MYOZ2: variants seen among roughly 807,000 people sequenced by gnomAD.
MYOZ2 encodes the protein myozenin-2.
In MYOZ2, 19 loss-of-function variants were observed where a neutral mutation model predicts 25.4. The observed-to-expected ratio is 0.75, with a 90% CI of 0.52 to 1.10. The LOEUF (loss-of-function observed/expected upper bound fraction) is 1.10. MYOZ2 is among the 50% of genes least tolerant of loss of function. The pLI is 0.00. For missense variants in MYOZ2, 270 were observed against 317.9 expected, an observed-to-expected ratio of 0.85 and a Z score of 1.15; for synonymous variants, 92 against 106.9, an observed-to-expected ratio of 0.86 and a Z score of 0.86.
At chr4:119,181,593 G>A (rs775543549) in intron 5 of MYOZ2, among the ~76,000 whole-genome samples, 8 of 152,100 alleles carry the variant, frequency 5.3e-5, no homozygotes, top group Non-Finnish European at 8.8e-5. Flanking sequence ...GGAAAATAGT[G>A]GCTACTCAAA....
intron 2 of MYOZ2, among the ~76,000 whole-genome samples, chr4:119,140,590 C>A (rs2149218670): frequency 6.6e-6 from 1 of 152,288 alleles, no homozygotes; most frequent in African/African-American, 2.4e-5. Flanking sequence ...CCTAATAAGG[C>A]ACTCCAGAAA....
Position 119,180,225 on chromosome 4 carries a change from C to T in MYOZ2, c.561-5741C>T, listed in dbSNP as rs1742159841. Among the ~76,000 whole-genome samples, 3 of 152,126 alleles carry T rather than the reference C, an allele frequency of 2.0e-5. No individual in the cohort carries two copies. The South Asian group carries it at 6.2e-4, about 32-fold the overall frequency. ...TTCTCCAGTGCTCTATAAATTCTACCTTGTTTGCTTTTATTGCCTGTGGTG... is the reference window on the plus strand; with the variant it reads ...TTCTCCAGTGCTCTATAAATTCTACTTTGTTTGCTTTTATTGCCTGTGGTG... On this transcript the variant is annotated intron_variant, in intron 5 of 5. Coordinates refer to ENST00000307128, the MANE Select transcript of MYOZ2 (RefSeq NM_016599.5).
At chr4:119,152,682 G>A (rs1004574604) in intron 3 of MYOZ2, among the ~76,000 whole-genome samples, 3 of 151,944 alleles carry the variant, frequency 2.0e-5, no homozygotes, top group African/African-American at 7.3e-5. Flanking sequence ...AAGACTGGGC[G>A]CTGAATAAAT....
intron 2 of MYOZ2, among the ~76,000 whole-genome samples, chr4:119,146,872 T>G (rs1741312051): frequency 6.6e-6 from 1 of 152,204 alleles, no homozygotes. Context: ...TTCTACTTTT[T>G]TACTTTAAAT....
intron 5 of MYOZ2, among the ~76,000 whole-genome samples, chr4:119,178,602 A>ATTAT (rs1488448675): frequency 2.0e-4 from 31 of 151,918 alleles, no homozygotes; most frequent in East Asian, 7.8e-4. Context: ...TATTAGGTCT[A>ATTAT]TTATTTATTT....
At chr4:119,144,823 A>T (rs898410291) in intron 2 of MYOZ2, among the ~76,000 whole-genome samples, 7 of 152,116 alleles carry the variant, frequency 4.6e-5, no homozygotes, top group African/African-American at 1.7e-4. Flanking sequence ...GAATTTTGAT[A>T]GTTCTGTATT....
chr4:119,169,607 T>A (rs1741905524), intron 5 of MYOZ2, among the ~76,000 whole-genome samples: 3 of 152,210 alleles, frequency 2.0e-5, no homozygotes, highest in African/African-American at 7.2e-5. Flanking sequence ...TGGTACCACG[T>A]TTCTCCTTGA....
intron 4 of MYOZ2, among the ~76,000 whole-genome samples, chr4:119,162,802 A>G (rs1741740593): frequency 6.6e-6 from 1 of 152,216 alleles, no homozygotes; most frequent in African/African-American, 2.4e-5. Context: ...AGACTTTCGG[A>G]TAATGCTCTG....
intron 3 of MYOZ2, among the ~76,000 whole-genome samples, chr4:119,157,353 G>A (rs1741602424): frequency 6.6e-6 from 1 of 151,902 alleles, no homozygotes; most frequent in Admixed American, 6.6e-5. Context: ...CATTTTTAAG[G>A]TGCTATATTA....
chr4:119,168,255 A>G (rs1046307407), intron 5 of MYOZ2, among the ~76,000 whole-genome samples: 3 of 152,232 alleles, frequency 2.0e-5, no homozygotes, highest in African/African-American at 7.2e-5. Context: ...TATGGGCGTG[A>G]GCCACTGCGC....
At chr4:119,148,043 A>G (rs1741348458) in intron 2 of MYOZ2, among the ~76,000 whole-genome samples, 1 of 152,072 alleles carries the variant, frequency 6.6e-6, no homozygotes, top group South Asian at 2.1e-4. Context: ...CAGGCAACAA[A>G]TTCTCTTAGT....
chr4:119,175,284 C>T (rs1221573816), intron 5 of MYOZ2, among the ~76,000 whole-genome samples: 1 of 152,086 alleles, frequency 6.6e-6, no homozygotes, highest in African/African-American at 2.4e-5. Flanking sequence ...CCACTAATTG[C>T]CAACCCAAAT....
At position 119,145,003 on chromosome 4, in the gene MYOZ2, G is replaced by C. The variant is rs554759462; in HGVS notation, c.77-5869G>C. ...TGGATCATGATTTTGGTGTTGTTTA[G>C]CAACTCTTTGCCTAGCCCTAGGTCC... On this transcript the variant is annotated intron_variant, in intron 2 of 5. Transcript: ENST00000307128. Among the ~76,000 whole-genome samples the C allele has an allele frequency of 2.0e-5, 3 of 152,122 alleles. No homozygotes were observed. In the South Asian group the frequency reaches 6.2e-4, roughly 32 times the overall value.
chr4:119,136,626 A>G, intron 2 of MYOZ2, 25 bp downstream of exon 2: 3 of 1,594,464 alleles, frequency 1.9e-6, no homozygotes, highest in African/African-American at 1.3e-5. Flanking sequence ...CCTTCGTAGC[A>G]TTAATATAGC....
Position 119,186,155 on chromosome 4 carries a change from C to G in MYOZ2, c.750C>G (p.Thr250=). The change falls in exon 6 of 6, where the codon ACC becomes ACG. Residue 250 remains threonine, a synonymous_variant. Coordinates refer to ENST00000307128, the MANE Select transcript of MYOZ2 (RefSeq NM_016599.5). The part of the protein sequence containing the change: ...ISENIPIVIT[T]EPTDDTTVPE... The stretch of plus-strand genomic sequence containing the variant: ...AGAATATTCCTATAGTGATAACAAC[C>G]GAACCTACAGATGATACCACTGTAC... 1.2e-6 allele frequency: 2 copies of G among 1,613,716 alleles called. No homozygotes were observed. The highest frequency in any genetic ancestry group is 1.7e-6 in the Non-Finnish European group (2 of 1,179,826).
chr4:119,153,516 T>A (rs534970293), intron 3 of MYOZ2, among the ~76,000 whole-genome samples: 94 of 152,240 alleles, frequency 6.2e-4, no homozygotes, highest in Non-Finnish European at 1.1e-3. Flanking sequence ...ATATGATTTT[T>A]ATACCACATT....
chr4:119,147,488 C>T (rs1054264011), intron 2 of MYOZ2, among the ~76,000 whole-genome samples: 1 of 151,996 alleles, frequency 6.6e-6, no homozygotes, highest in Non-Finnish European at 1.5e-5. Context: ...TGCCTGTAAT[C>T]CCAGCACTTT....
chr4:119,157,976 T>C, intron 3 of MYOZ2, 46 bp from the exon 4 acceptor site: 3 of 1,609,398 alleles, frequency 1.9e-6, no homozygotes, highest in Non-Finnish European at 2.6e-6. Context: ...ATTATTGTGC[T>C]TACATTTTTG....
At chr4:119,143,148 G>T (rs1272194247) in intron 2 of MYOZ2, among the ~76,000 whole-genome samples, 1 of 151,882 alleles carries the variant, frequency 6.6e-6, no homozygotes, top group Non-Finnish European at 1.5e-5. Context: ...CCTTTTAAAG[G>T]TCTGAGCTCT....
Sources: gnomAD v4.1 joint callset for allele counts (sites outside exome capture counted in the v4.1 genomes callset) on GRCh38, gnomAD v4.1.1 for gene constraint, MANE v1.5 for transcripts, NCBI Gene and HGNC (gene_info 2026-07-23, HGNC 2026-07-21) for gene names.